CDH12: variants seen among roughly 807,000 people sequenced by gnomAD.
CDH12 encodes cadherin 12.
Under a neutral mutation model 74.1 loss-of-function variants are expected in CDH12, and 41 were observed. That is an observed-to-expected ratio of 0.55 (90% CI 0.43 to 0.72). The LOEUF is 0.72. Ranked by LOEUF, CDH12 falls within the 30% of genes least tolerant of loss-of-function variation. CDH12 has a pLI of 0.00. For synonymous variants in CDH12, 399 were observed against 355.0 expected, an observed-to-expected ratio of 1.12 and a Z score of -1.39; for missense variants, 945 against 977.2, an observed-to-expected ratio of 0.97 and a Z score of 0.44.
intron 4 of CDH12, chr5:22,139,251 C>T (rs1441623193): frequency 6.7e-6 from 1 of 149,518 alleles, no homozygotes; most frequent in East Asian, 2.0e-4. Flanking sequence ...AATACATACT[C>T]CTTTGTAGGT....
intron 1 of CDH12, among the ~76,000 whole-genome samples, chr5:22,711,921 T>C (rs1028657650): frequency 1.3e-5 from 2 of 152,066 alleles, no homozygotes; most frequent in Non-Finnish European, 2.9e-5. Context: ...AACTCACAAC[T>C]GTTGAATAGA....
intron 2 of CDH12, among the ~76,000 whole-genome samples, chr5:22,460,926 G>A (rs1315663469): frequency 6.7e-6 from 1 of 150,106 alleles, no homozygotes; most frequent in Non-Finnish European, 1.5e-5. Flanking sequence ...TCACCATGTT[G>A]GTCAGCCTGG....
At chr5:22,074,766 T>C (rs1305129038) in intron 5 of CDH12, among the ~76,000 whole-genome samples, 2 of 152,034 alleles carry the variant, frequency 1.3e-5, no homozygotes, top group South Asian at 2.1e-4. Context: ...TGAGATACCA[T>C]CTCACACCAG....
intron 1 of CDH12, among the ~76,000 whole-genome samples, chr5:22,745,014 A>G (rs1561000021): frequency 1.3e-5 from 2 of 151,050 alleles, no homozygotes; most frequent in Admixed American, 1.3e-4. Flanking sequence ...GGCTAGCTAA[A>G]TATATTTATA....
intron 2 of CDH12, among the ~76,000 whole-genome samples, chr5:22,428,064 T>C (rs755116482): frequency 5.9e-5 from 9 of 152,124 alleles, no homozygotes; most frequent in Non-Finnish European, 1.3e-4. Context: ...AGCCTTAAAA[T>C]TTCAGTGGTT....
At chr5:22,273,149 C>G (rs1275015029) in intron 3 of CDH12, among the ~76,000 whole-genome samples, 1 of 152,134 alleles carries the variant, frequency 6.6e-6, no homozygotes, top group African/African-American at 2.4e-5. Flanking sequence ...GGTGGGGACA[C>G]AGAGTCAGAC....
intron 3 of CDH12, among the ~76,000 whole-genome samples, chr5:22,343,796 G>T (rs576965598): frequency 6.6e-6 from 1 of 152,138 alleles, no homozygotes; most frequent in African/African-American, 2.4e-5. Flanking sequence ...GCACACTGTG[G>T]TTATATTTGA....
intron 1 of CDH12, among the ~76,000 whole-genome samples, chr5:22,594,520 AT>A (rs1198767383): frequency 6.6e-6 from 1 of 152,134 alleles, no homozygotes; most frequent in East Asian, 1.9e-4. Context: ...AGTAGGGATC[AT>A]ATATTGCTTG....
chr5:22,416,136 G>A lies in CDH12; in HGVS notation c.-427-10785C>T, dbSNP rs368001201. Among the ~76,000 whole-genome samples the A allele has an allele frequency of 1.9e-3, 223 of 115,122 alleles. 4 individuals carry two copies. In the East Asian group the frequency reaches 0.041, roughly 21 times the overall value. The allele number at this position is 115,122 out of a possible 152,430, so 75.5% of individuals were successfully genotyped here. ...GTGGCCCAGGCGGGAGTGCAGTGGC[G>A]CAATCTCGGCTCACTACAAGCTCCG... On this transcript the variant is annotated intron_variant, in intron 2 of 14. Coordinates refer to ENST00000382254, the MANE Select transcript of CDH12 (RefSeq NM_004061.5).
chr5:22,525,574 G>A (rs576709849), intron 1 of CDH12, among the ~76,000 whole-genome samples: 1 of 152,220 alleles, frequency 6.6e-6, no homozygotes, highest in Non-Finnish European at 1.5e-5. Flanking sequence ...CATTAAAGAT[G>A]TCCTAGTATG....
rs553950862 is a variant in CDH12 at position 21,779,466 on chromosome 5, GTCTCTGTC to G, written c.1393+3884_1393+3891del. The G allele has an allele frequency of 1.7e-4, 26 of 152,324 alleles. 2 individuals carry two copies. In the South Asian group the frequency reaches 3.9e-3, roughly 23 times the overall value. The allele number at this position is 152,324 out of a possible 1,614,324, so 9.4% of individuals were successfully genotyped here. A position where few individuals can be genotyped will look rare whatever the true frequency, so the allele number is the denominator to read the frequency against. ...TAATTTGAATGAAGTAAAGTTTGGA[GTCTCTGTC>G]TCATTGAAAATACTCAAGGTTAATA... On this transcript the variant is annotated intron_variant, in intron 11 of 14. Transcript: ENST00000382254.
chr5:22,582,845 C>T (rs1050381343), intron 1 of CDH12, among the ~76,000 whole-genome samples: 7 of 152,042 alleles, frequency 4.6e-5, no homozygotes, highest in Admixed American at 3.9e-4. Context: ...AAACTAGAGG[C>T]AAAGGAGCTG....
chr5:22,486,859 G>T (rs1288194736), intron 2 of CDH12, among the ~76,000 whole-genome samples: 2 of 152,044 alleles, frequency 1.3e-5, no homozygotes, highest in Non-Finnish European at 2.9e-5. Context: ...ATCATTAGTT[G>T]CACAGTGAGG....
intron 4 of CDH12, among the ~76,000 whole-genome samples, chr5:22,187,104 G>A (rs1328983229): frequency 3.9e-5 from 6 of 152,288 alleles, no homozygotes; most frequent in Non-Finnish European, 7.3e-5. Flanking sequence ...AGTTACTGGT[G>A]TTACTAATAA....
intron 2 of CDH12, among the ~76,000 whole-genome samples, chr5:22,441,081 A>G (rs1744605224): frequency 6.6e-6 from 1 of 152,176 alleles, no homozygotes. Context: ...ACAACTTTCT[A>G]TATACAGAGG....
At chr5:22,045,602 C>CAAAAAAAAA (rs34753862) in intron 5 of CDH12, among the ~76,000 whole-genome samples, 2 of 112,924 alleles carry the variant, frequency 1.8e-5, no homozygotes, top group Non-Finnish European at 4.0e-5. Flanking sequence ...ACTATTCAGC[C>CAAAAAAAAA]AAAAAAAAAA....
intron 3 of CDH12, among the ~76,000 whole-genome samples, chr5:22,301,564 G>A (rs1003893130): frequency 1.3e-5 from 2 of 152,042 alleles, no homozygotes; most frequent in Non-Finnish European, 2.9e-5. Flanking sequence ...TAGAGATTTT[G>A]ACTCCCAATT....
At chr5:21,908,616 C>T (rs1753740200) in intron 6 of CDH12, among the ~76,000 whole-genome samples, 1 of 152,154 alleles carries the variant, frequency 6.6e-6, no homozygotes, top group Non-Finnish European at 1.5e-5. Flanking sequence ...CTCTTAATAT[C>T]TCATTGACCA....
At chr5:21,959,923 T>G (rs1580021093) in intron 6 of CDH12, among the ~76,000 whole-genome samples, 1 of 70,200 alleles carries the variant, frequency 1.4e-5, no homozygotes, top group African/African-American at 1.1e-4. Context: ...AGGCTCCATC[T>G]CAAAAAAAAA....
Sources: gnomAD v4.1 joint callset for allele counts (sites outside exome capture counted in the v4.1 genomes callset) on GRCh38, gnomAD v4.1.1 for gene constraint, MANE v1.5 for transcripts, NCBI Gene and HGNC (gene_info 2026-07-23, HGNC 2026-07-21) for gene names.